The following DNMT3B variants were observed in gnomAD, a reference collection of about 807,000 sequenced individuals.
The protein encoded by DNMT3B is DNA (cytosine-5)-methyltransferase 3B.
Under a neutral mutation model 120.2 loss-of-function variants are expected in DNMT3B, and 37 were observed. That is an observed-to-expected ratio of 0.31 (90% CI 0.24 to 0.40). The LOEUF (loss-of-function observed/expected upper bound fraction) is 0.40. Ranked by LOEUF, DNMT3B falls within the 10% of genes least tolerant of loss-of-function variation. DNMT3B has a pLI of 1.00. For missense variants in DNMT3B, 878 were observed against 1,137.3 expected (o/e 0.77, Z 3.28); for synonymous variants, 412 against 442.8 (o/e 0.93, Z 0.87).
chr20:32,806,453 A>G, intron 22 of DNMT3B, 126 bp downstream of exon 22: 1 of 889,442 alleles, frequency 1.1e-6, no homozygotes, highest in Non-Finnish European at 1.8e-6. Flanking sequence ...GGCGAGGAGT[A>G]ATAATACCTT....
intron 20 of DNMT3B, among the ~76,000 whole-genome samples, chr20:32,803,577 A>C (rs113957163): frequency 0.027 from 4,145 of 152,336 alleles, 184 homozygotes; most frequent in African/African-American, 0.093. Context: ...TCATGTCGAT[A>C]GTGACATGCC....
At chr20:32,797,751 C>T (rs955682980) in intron 14 of DNMT3B, among the ~76,000 whole-genome samples, 1 of 152,104 alleles carries the variant, frequency 6.6e-6, no homozygotes, top group African/African-American at 2.4e-5. Flanking sequence ...CCTCTGCCTC[C>T]AGGGTACAAG....
chr20:32,796,693 G>A (rs997587046), intron 12 of DNMT3B, 97 bp from the exon 13 acceptor site: 10 of 1,346,490 alleles, frequency 7.4e-6, no homozygotes, highest in Non-Finnish European at 1.1e-5. Flanking sequence ...CAAGCTGCTG[G>A]CCTGGAGGGA....
chr20:32,802,970 A>G (rs778054135), intron 20 of DNMT3B, among the ~76,000 whole-genome samples: 1 of 152,212 alleles, frequency 6.6e-6, no homozygotes, highest in Non-Finnish European at 1.5e-5. Context: ...ATGTAGTGAC[A>G]GCCGTCTGGA....
intron 22 of DNMT3B, 111 bp downstream of exon 22, chr20:32,806,438 A>G (rs1981990764): frequency 9.9e-7 from 1 of 1,013,312 alleles, no homozygotes; most frequent in African/African-American, 1.6e-5. Flanking sequence ...CTTTGGTGTT[A>G]CTGGGGCGAG....
chr20:32,782,901 T>C (rs1885490559), intron 3 of DNMT3B, among the ~76,000 whole-genome samples: 1 of 152,184 alleles, frequency 6.6e-6, no homozygotes, highest in African/African-American at 2.4e-5. Context: ...ATTTTATTCA[T>C]GTATTCATGA....
intron 1 of DNMT3B, among the ~76,000 whole-genome samples, chr20:32,772,108 A>G (rs1472237489): frequency 3.9e-5 from 6 of 152,196 alleles, no homozygotes; most frequent in Admixed American, 2.0e-4. Flanking sequence ...TAATTTAGTC[A>G]ACCAGTCCTC....
At chr20:32,764,001 C>T (rs1229750179) in intron 1 of DNMT3B, among the ~76,000 whole-genome samples, 1 of 152,186 alleles carries the variant, frequency 6.6e-6, no homozygotes, top group African/African-American at 2.4e-5. Context: ...TTGGAAACGC[C>T]AGGTGCGGAC....
At position 32,778,894 on chromosome 20, in the gene DNMT3B, C is replaced by A. The variant is rs62207020; in HGVS notation, c.-6-1424C>A. On this transcript the variant is annotated intron_variant, in intron 1 of 22. Transcript: ENST00000328111. ...AAGCCTACAGGGAGCCGTGATCACG[C>A]CACTGCACTCCAGCCTGGGTGACCA... Among the ~76,000 whole-genome samples the A allele has an allele frequency of 8.4e-3, 1,281 of 152,262 alleles. 5 individuals carry two copies. The highest frequency in any genetic ancestry group is 0.014 in the Middle Eastern group (4 of 294).
At chr20:32,777,688 C>A (rs183385473) in intron 1 of DNMT3B, among the ~76,000 whole-genome samples, 39 of 152,280 alleles carry the variant, frequency 2.6e-4, no homozygotes, top group Admixed American at 2.2e-3. Context: ...CTGATTTGGC[C>A]TGAGGTGAAA....
intron 1 of DNMT3B, among the ~76,000 whole-genome samples, 158 bp downstream of exon 1, chr20:32,762,857 GC>G (rs1248175681): frequency 7.9e-5 from 12 of 151,960 alleles, no homozygotes; most frequent in Non-Finnish European, 1.6e-4. Flanking sequence ...GGCTGGGTTT[GC>G]GGGGTGAGGA....
chr20:32,779,336 G>T (rs1017346482), intron 1 of DNMT3B, among the ~76,000 whole-genome samples: 1 of 152,212 alleles, frequency 6.6e-6, no homozygotes, highest in Non-Finnish European at 1.5e-5. Context: ...CCTCTTAGAT[G>T]GGCTATATGA....
chr20:32,808,058 T>A lies in DNMT3B; in HGVS notation c.*155T>A. 1.5e-6 allele frequency: 2 copies of A among 1,325,988 alleles called. No individual in the cohort carries two copies. The highest frequency in any genetic ancestry group is 2.1e-6 in the Non-Finnish European group (2 of 960,320). The allele number at this position is 1,325,988 out of a possible 1,614,324, so 82.1% of individuals were successfully genotyped here. Reference sequence around the variant, plus strand: ...CTTGCTCAGTGGGGGCAGAGCCACCTGACTCTTGCAGGGGTAGCCTGAGGT... The same window carrying A: ...CTTGCTCAGTGGGGGCAGAGCCACCAGACTCTTGCAGGGGTAGCCTGAGGT... On this transcript the variant is annotated 3_prime_UTR_variant, in exon 23 of 23. Coordinates refer to ENST00000328111, the MANE Select transcript of DNMT3B (RefSeq NM_006892.4).
In DNMT3B at chr20:32,788,994, C is replaced by T. The variant is rs759527333; in HGVS notation, c.795C>T (p.Gly265=). ...GCATGCGGTGGGTCCAGTGGTTTGG[C>T]GATGGCAAGTTCTCCGAGGTGAGTC... ...MSGMRWVQWF[G]DGKFSEVSAD... The change falls in exon 7 of 23, where the codon GGC becomes GGT. Residue 265 remains glycine, a synonymous_variant. Transcript: ENST00000328111. 6.6e-5 allele frequency: 106 copies of T among 1,614,012 alleles called. No individual in the cohort carries two copies. The highest frequency in any genetic ancestry group is 8.9e-5 in the East Asian group (4 of 44,888).
chr20:32,798,429 A>T, intron 14 of DNMT3B, 31 bp from the exon 15 acceptor site: 1 of 1,613,732 alleles, frequency 6.2e-7, no homozygotes, highest in East Asian at 2.2e-5. Flanking sequence ...GCTCTGACAA[A>T]GGCATCCCTT....
intron 14 of DNMT3B, 51 bp downstream of exon 14, chr20:32,797,350 ACGTTCC>A: frequency 1.9e-6 from 3 of 1,559,466 alleles, no homozygotes; most frequent in Non-Finnish European, 2.6e-6. Context: ...CAAGGCTCCT[ACGTTCC>A]TGCAGTCTGC....
At chr20:32,798,701 A>G in intron 15 of DNMT3B, 58 bp downstream of exon 15, 1 of 1,609,376 alleles carries the variant, frequency 6.2e-7, no homozygotes, top group South Asian at 1.1e-5. Flanking sequence ...GGGTGTTGGA[A>G]AGCTCTGGAA....
At chr20:32,775,009 A>T (rs991588934) in intron 1 of DNMT3B, among the ~76,000 whole-genome samples, 17 of 152,028 alleles carry the variant, frequency 1.1e-4, no homozygotes, top group African/African-American at 4.1e-4. Flanking sequence ...AGCGTGAGCC[A>T]CCGCGCCTGG....
intron 1 of DNMT3B, among the ~76,000 whole-genome samples, 200 bp downstream of exon 1, chr20:32,762,899 G>A (rs963360939): frequency 6.6e-6 from 1 of 152,050 alleles, no homozygotes; most frequent in East Asian, 1.9e-4. Context: ...GGGGTGGAAC[G>A]GGGACAGCGG....
Sources: gnomAD v4.1 joint callset for allele counts (sites outside exome capture counted in the v4.1 genomes callset) on GRCh38, gnomAD v4.1.1 for gene constraint, MANE v1.5 for transcripts, NCBI Gene and HGNC (gene_info 2026-07-23, HGNC 2026-07-21) for gene names.